TBRG1: variants seen among roughly 807,000 people sequenced by gnomAD.
The protein encoded by TBRG1 is transforming growth factor beta regulator 1.
Under a neutral mutation model 44.0 loss-of-function variants are expected in TBRG1, and 31 were observed. That is an observed-to-expected ratio of 0.70 (90% CI 0.53 to 0.95). The LOEUF is 0.95. Among genes scored for constraint, TBRG1 ranks in the 40% least tolerant of loss-of-function variants. TBRG1 has a pLI of 0.00. For missense variants in TBRG1, 487 were observed against 496.1 expected (o/e 0.98, Z 0.18); for synonymous variants, 171 against 188.1 (o/e 0.91, Z 0.74).
At chr11:124,625,246 T>G (rs1942439237) in intron 2 of TBRG1, among the ~76,000 whole-genome samples, 1 of 152,244 alleles carries the variant, frequency 6.6e-6, no homozygotes, top group South Asian at 2.1e-4. Flanking sequence ...AAAGCCATCT[T>G]GCCACATCTA....
intron 5 of TBRG1, among the ~76,000 whole-genome samples, chr11:124,628,640 T>C (rs1942539289): frequency 6.6e-6 from 1 of 151,928 alleles, no homozygotes; most frequent in African/African-American, 2.4e-5. Flanking sequence ...CTTATTTTGC[T>C]CATAGGCACA....
chr11:124,628,833 C>G (rs1053249660), intron 5 of TBRG1, among the ~76,000 whole-genome samples: 1 of 152,096 alleles, frequency 6.6e-6, no homozygotes, highest in Non-Finnish European at 1.5e-5. Context: ...ACTAGGTACA[C>G]ATTTGCACCT....
chr11:124,630,632 C>A, intron 6 of TBRG1, 113 bp from the exon 7 acceptor site: 1 of 1,018,178 alleles, frequency 9.8e-7, no homozygotes, highest in Non-Finnish European at 1.5e-6. Context: ...AGAGCCTCCA[C>A]ATTATCAAAG....
In TBRG1 at chr11:124,634,477, G is replaced by C. The variant is rs1475189687; in HGVS notation, c.*2239G>C. 10 of 152,118 alleles carry C rather than the reference G, an allele frequency of 6.6e-5. No homozygotes were observed. The highest frequency in any genetic ancestry group is 1.3e-4 in the Non-Finnish European group (9 of 68,028). 9.4% of individuals were successfully genotyped at this position (152,118 alleles called of 1,614,324 possible). A position where few individuals can be genotyped will look rare whatever the true frequency, so the allele number is the denominator to read the frequency against. ...GTGAGGGCAAAAAAAGGACTACCTT[G>C]GTGAGAATGTAAGTTGTTTAATCCT... On this transcript the variant is annotated 3_prime_UTR_variant, in exon 9 of 9. Coordinates refer to ENST00000441174, the MANE Select transcript of TBRG1 (RefSeq NM_032811.3).
intron 5 of TBRG1, 179 bp from the exon 6 acceptor site, chr11:124,630,209 T>C: frequency 1.8e-6 from 1 of 567,894 alleles, no homozygotes. Flanking sequence ...CAAAGGACTT[T>C]CTCTAGGTAC....
In TBRG1 at chr11:124,631,392, A is replaced by C. The variant is rs770093976; in HGVS notation, c.1065A>C (p.Glu355Asp). 28 of 1,613,920 alleles carry C rather than the reference A, an allele frequency of 1.7e-5. No homozygotes were observed. Among genetic ancestry groups the C allele is most frequent in the Non-Finnish European group, 2.4e-5 (28 of 1,179,894 alleles). The change falls in exon 8 of 9, where the codon GAA (glutamate) becomes GAC (aspartate). Residue 355 changes from glutamate to aspartate, a missense_variant. Transcript: ENST00000441174. Reference protein sequence around the residue: ...FEAFQRQIFDEDQNDPLLPGS... With the variant: ...FEAFQRQIFDDDQNDPLLPGS... The stretch of plus-strand genomic sequence containing the variant: ...CCTTTCAGAGACAGATCTTTGATGA[A>C]GATCAGAATGATCCCCTTCTGCCAG...
intron 1 of TBRG1, among the ~76,000 whole-genome samples, chr11:124,624,378 A>G (rs569283577): frequency 1.8e-4 from 26 of 148,558 alleles, no homozygotes; most frequent in Middle Eastern, 3.4e-3. Context: ...AAAAAAAAAA[A>G]AAAAAGAAAA....
intron 5 of TBRG1, among the ~76,000 whole-genome samples, chr11:124,627,701 G>C (rs146853722): frequency 1.4e-3 from 213 of 152,226 alleles, no homozygotes; most frequent in Non-Finnish European, 2.4e-3. Flanking sequence ...CCCTGAGACA[G>C]CTTGACTTCT....
chr11:124,623,636 A>G (rs1942391491), intron 1 of TBRG1, among the ~76,000 whole-genome samples: 1 of 152,204 alleles, frequency 6.6e-6, no homozygotes, highest in Non-Finnish European at 1.5e-5. Context: ...GTACTGTGTC[A>G]GAGCCCTGAC....
At position 124,632,236 on chromosome 11, in the gene TBRG1, T is replaced by C. The variant is rs143285657; in HGVS notation, c.1234T>C (p.Ter412ArgextTer14). 447 of 1,613,378 alleles carry C rather than the reference T, an allele frequency of 2.8e-4. No individual in the cohort carries two copies. Among genetic ancestry groups the C allele is most frequent in the Non-Finnish European group, 3.7e-4 (434 of 1,179,624 alleles). Residue 412 changes from the stop codon to arginine, a stop_lost, in exon 9 of 9, where the codon TGA becomes CGA. Coordinates refer to ENST00000441174, the MANE Select transcript of TBRG1 (RefSeq NM_032811.3). ...GGGTAGCCCAATTCAGTCTTCAGAT[T>C]GAACAAGAAGGGATCAGATGCCACA... ...SQGSPIQSSD[*>R]
At position 124,631,359 on chromosome 11, in the gene TBRG1, C is replaced by T; in HGVS notation, c.1032C>T (p.Ser344=). ...TGCCGGAGAATGATGCAGCTATGAGCTTTGAAGCCTTTCAGAGACAGATCT... is the reference window on the plus strand; with the variant it reads ...TGCCGGAGAATGATGCAGCTATGAGTTTTGAAGCCTTTCAGAGACAGATCT... ...EGLPENDAAM[S]FEAFQRQIFD... is the part of the protein sequence containing the mutation. The change falls in exon 8 of 9, where the codon AGC becomes AGT. Residue 344 remains serine (S), a synonymous_variant. Transcript: ENST00000441174. 1 of 1,613,928 alleles carries T rather than the reference C, an allele frequency of 6.2e-7. No homozygotes were observed. The highest frequency in any genetic ancestry group is 8.5e-7 in the Non-Finnish European group (1 of 1,179,810).
At position 124,627,057 on chromosome 11, in the gene TBRG1, C is replaced by T. The variant is rs1224468350; in HGVS notation, c.738+7C>T. 2.6e-6 allele frequency: 4 copies of T among 1,517,582 alleles called. No homozygotes were observed. The highest frequency in any genetic ancestry group is 3.6e-6 in the Non-Finnish European group (4 of 1,115,886). 94.0% of individuals were successfully genotyped at this position (1,517,582 alleles called of 1,614,324 possible). A position where few individuals can be genotyped will look rare whatever the true frequency, so the allele number is the denominator to read the frequency against. ...TGGTGGTGTGCAGCCTCAGGTACCC[C>T]CTCTAATAATAACCACTGTTTGTCT... On this transcript the variant is annotated splice_region_variant and intron_variant, in intron 5 of 8. Coordinates refer to ENST00000441174, the MANE Select transcript of TBRG1 (RefSeq NM_032811.3).
At chr11:124,627,298 C>T (rs1942496696) in intron 5 of TBRG1, among the ~76,000 whole-genome samples, 1 of 152,198 alleles carries the variant, frequency 6.6e-6, no homozygotes, top group Admixed American at 6.5e-5. Flanking sequence ...ACTTCAACTG[C>T]TGACTTTGTG....
At chr11:124,631,463 G>T in intron 8 of TBRG1, 46 bp downstream of exon 8, 1 of 1,593,696 alleles carries the variant, frequency 6.3e-7, no homozygotes, top group East Asian at 2.2e-5. Flanking sequence ...ACTGTGTTTA[G>T]GCTACCTTCC....
At position 124,635,596 on chromosome 11, in the gene TBRG1, A is replaced by C. The variant is rs1238354666; in HGVS notation, c.*3358A>C. 6.6e-6 allele frequency: 1 copy of C among 152,194 alleles called. No individual in the cohort carries two copies. Among genetic ancestry groups the C allele is most frequent in the African/African-American group, 2.4e-5 (1 of 41,440 alleles). The allele number at this position is 152,194 out of a possible 1,614,324, so 9.4% of individuals were successfully genotyped here. A position where few individuals can be genotyped will look rare whatever the true frequency, so the allele number is the denominator to read the frequency against. On this transcript the variant is annotated 3_prime_UTR_variant, in exon 9 of 9. Transcript: ENST00000441174. ...GCCACTAAAAATAAATTTACATATGATTTCATTAATATATTCACTATCTAA... is the reference window on the plus strand; with the variant it reads ...GCCACTAAAAATAAATTTACATATGCTTTCATTAATATATTCACTATCTAA...
chr11:124,630,582 A>G (rs1283087268), intron 6 of TBRG1, 97 bp downstream of exon 6: 8 of 1,082,784 alleles, frequency 7.4e-6, no homozygotes, highest in African/African-American at 3.1e-5. Context: ...ACTTTATTTT[A>G]TAGAAACCTA....
In TBRG1 at chr11:124,625,827, T is replaced by G; in HGVS notation, c.378T>G (p.Thr126=). 6.3e-7 allele frequency: 1 copy of G among 1,582,244 alleles called. No individual in the cohort carries two copies. Among genetic ancestry groups the G allele is most frequent in the Non-Finnish European group, 8.6e-7 (1 of 1,164,560 alleles). ...QGAGPISGPS[T]GAEEPFGKKT... ...CTGGGCCTATTTCAGGGCCCAGCACTGGGGCTGAGGAACCATTTGGGAAGA... is the reference window on the plus strand; with the variant it reads ...CTGGGCCTATTTCAGGGCCCAGCACGGGGGCTGAGGAACCATTTGGGAAGA... The change falls in exon 3 of 9, where the codon ACT becomes ACG. Residue 126 remains threonine, a synonymous_variant. Transcript: ENST00000441174.
chr11:124,625,862 A>T lies in TBRG1; in HGVS notation c.413A>T (p.Lys138Met), dbSNP rs761272268. The T allele has an allele frequency of 6.3e-7, 1 of 1,578,136 alleles. No homozygotes were observed. The highest frequency in any genetic ancestry group is 8.6e-7 in the Non-Finnish European group (1 of 1,164,154). Residue 138 changes from lysine to methionine, a missense_variant, in exon 3 of 9, where the codon AAG (lysine) becomes ATG (methionine). Physicochemically the swap from Lys to Met is moderately conservative, Grantham distance 95. Transcript: ENST00000441174. ...GAACCATTTGGGAAGAAAACTAAGA[A>T]GGAGAAAAAAGAAAAAGGCAAAGAG... ...AEEPFGKKTK[K>M]EKKEKGKENN...
intron 3 of TBRG1, among the ~76,000 whole-genome samples, chr11:124,626,137 C>T (rs547589778): frequency 6.6e-6 from 1 of 152,328 alleles, no homozygotes; most frequent in African/African-American, 2.4e-5. Flanking sequence ...GAGACTTCCC[C>T]CTTCCCCCAA....
Sources: gnomAD v4.1 joint callset for allele counts (sites outside exome capture counted in the v4.1 genomes callset) on GRCh38, gnomAD v4.1.1 for gene constraint, MANE v1.5 for transcripts, NCBI Gene and HGNC (gene_info 2026-07-23, HGNC 2026-07-21) for gene names.